Variants in IL16 observed in about 807,000 individuals in gnomAD.
IL16 encodes interleukin 16.
Under a neutral mutation model 110.1 loss-of-function variants are expected in IL16, and 67 were observed. The observed-to-expected ratio is 0.61, with a 90% CI of 0.50 to 0.75. The LOEUF (loss-of-function observed/expected upper bound fraction) is 0.75, where lower values mean the gene tolerates loss of function less well. Ranked by LOEUF, IL16 falls within the 30% of genes least tolerant of loss-of-function variation. The pLI, the probability that IL16 is intolerant of heterozygous loss-of-function variation, is 0.00. For missense variants in IL16, 1,545 were observed against 1,655.0 expected, an observed-to-expected ratio of 0.93 and a Z score of 1.15; for synonymous variants, 689 against 662.9, an observed-to-expected ratio of 1.04 and a Z score of -0.61.
chr15:81,226,801 G>A (rs189690593), intron 2 of IL16, among the ~76,000 whole-genome samples: 23 of 152,184 alleles, frequency 1.5e-4, no homozygotes, highest in East Asian at 7.7e-4. Flanking sequence ...GGGGAGGCTC[G>A]CCAGGCTCCC....
intron 6 of IL16, among the ~76,000 whole-genome samples, chr15:81,275,496 A>G (rs576540831): frequency 2.0e-5 from 3 of 150,618 alleles, no homozygotes; most frequent in Non-Finnish European, 4.4e-5. Flanking sequence ...CAGAATTGGG[A>G]GTGTGCCATC....
intron 2 of IL16, among the ~76,000 whole-genome samples, chr15:81,226,330 A>G (rs1409744801): frequency 6.6e-6 from 1 of 152,198 alleles, no homozygotes; most frequent in East Asian, 1.9e-4. Flanking sequence ...TCATATTTCA[A>G]TTTTTGTCAT....
chr15:81,187,714 TA>T (rs1895438578), intron 1 of IL16, among the ~76,000 whole-genome samples: 2 of 152,242 alleles, frequency 1.3e-5, no homozygotes, highest in Admixed American at 1.3e-4. Context: ...CCTGATTAAA[TA>T]AAGTATGGCA....
chr15:81,292,701 G>A lies in IL16; in HGVS notation c.1566G>A (p.Gly522=). 6 of 1,614,154 alleles carry A rather than the reference G, an allele frequency of 3.7e-6. No individual in the cohort carries two copies. Among genetic ancestry groups the A allele is most frequent in the Non-Finnish European group, 5.1e-6 (6 of 1,180,020 alleles). Residue 522 remains glycine, a synonymous_variant, in exon 12 of 19, where the codon GGG becomes GGA. Coordinates refer to ENST00000683961, the MANE Select transcript of IL16 (RefSeq NM_172217.5). ...GCAGCTACATGTCTGGGTCCCCAGG[G>A]GGAAGTCCTGGGAGTGGCAGTGCTG... The part of the protein sequence containing the change: ...SDSSYMSGSP[G]GSPGSGSAEK...
chr15:81,273,991 T>C (rs1237504851), intron 6 of IL16, among the ~76,000 whole-genome samples: 1 of 118,486 alleles, frequency 8.4e-6, no homozygotes, highest in East Asian at 2.6e-4. Context: ...CCCAAAGAAA[T>C]TGCCAGGTTT....
At chr15:81,274,810 C>T (rs1596020184) in intron 6 of IL16, among the ~76,000 whole-genome samples, 1 of 152,232 alleles carries the variant, frequency 6.6e-6, no homozygotes. Context: ...TTTATCAACC[C>T]GAGCACTATG....
At chr15:81,191,095 C>T (rs888061134) in intron 1 of IL16, among the ~76,000 whole-genome samples, 1 of 152,198 alleles carries the variant, frequency 6.6e-6, no homozygotes, top group Non-Finnish European at 1.5e-5. Flanking sequence ...GCAAGTGCTG[C>T]ACAAATGCTT....
chr15:81,267,619 T>C (rs1347664346), intron 4 of IL16, among the ~76,000 whole-genome samples: 1 of 152,086 alleles, frequency 6.6e-6, no homozygotes. Flanking sequence ...GGGAAGCCTA[T>C]GGTTTAGACC....
rs750738616 is a variant in IL16, at chr15:81,300,106, G to C, written c.2780G>C (p.Arg927Pro). 2 of 1,586,898 alleles carry C rather than the reference G, an allele frequency of 1.3e-6. No homozygotes were observed. Among genetic ancestry groups the C allele is most frequent in the Admixed American group, 3.5e-5 (2 of 56,644 alleles). ...PGVSESPPPG[R>P]QPNQKTLPPG... ...GTGTCTGAGTCCCCTCCCCCAGGGC[G>C]GCAGCCCAATCAGAAAACTCTCCCC... Residue 927 changes from arginine to proline, a missense_variant, in exon 14 of 19, where the codon CGG becomes CCG. This residue lies in a region of IL16 where 1,185 missense variants were observed against 1,238.8 expected (regional missense o/e 0.96). Transcript: ENST00000683961.
Position 81,248,719 on chromosome 15 carries a change from C to CTTT in IL16, c.313-11036_313-11034dup, listed in dbSNP as rs61480285. 2.4e-3 allele frequency among the ~76,000 whole-genome samples: 266 copies of CTTT among 112,216 alleles called. 6 individuals carry two copies. The highest frequency in any genetic ancestry group is 6.4e-3 in the African/African-American group (186 of 29,008). The allele number at this position is 112,216 out of a possible 152,430, so 73.6% of individuals were successfully genotyped here. A position where few individuals can be genotyped will look rare whatever the true frequency, so the allele number is the denominator to read the frequency against. On this transcript the variant is annotated intron_variant, in intron 2 of 18. Coordinates refer to ENST00000683961, the MANE Select transcript of IL16 (RefSeq NM_172217.5). ...TTTCTGTGATTTTTTTTCTTTCTTTCTTTTTTTTTTTTTTTTTTTGAGGCA... is the reference window on the plus strand; with the variant it reads ...TTTCTGTGATTTTTTTTCTTTCTTTCTTTTTTTTTTTTTTTTTTTTTTGAGGCA...
At chr15:81,264,421 T>TA (rs1293712974) in intron 3 of IL16, among the ~76,000 whole-genome samples, 9 of 152,184 alleles carry the variant, frequency 5.9e-5, no homozygotes, top group Non-Finnish European at 1.2e-4. Flanking sequence ...CCCTCAGAGA[T>TA]ACCACTCCTC....
Position 81,301,333 on chromosome 15 carries a change from C to A in IL16, c.3150-11C>A. 1 of 1,591,532 alleles carries A rather than the reference C, an allele frequency of 6.3e-7. No homozygotes were observed. Among genetic ancestry groups the A allele is most frequent in the Non-Finnish European group, 8.5e-7 (1 of 1,172,942 alleles). On this transcript the variant is annotated splice_polypyrimidine_tract_variant and intron_variant, in intron 14 of 18. Transcript: ENST00000683961. ...GTTGTTCATACTGTGTGTTGTTTCT[C>A]CTTATGAAAGCCTTTCAGAGCTGAG...
chr15:81,259,814 G>C lies in IL16; in HGVS notation c.355G>C (p.Glu119Gln). The change falls in exon 3 of 19, where the codon GAA becomes CAA. Residue 119 changes from glutamate to glutamine, a missense_variant. Physicochemically the swap from Glu to Gln is conservative, Grantham distance 29 (BLOSUM62 2). Coordinates refer to ENST00000683961, the MANE Select transcript of IL16 (RefSeq NM_172217.5). ...CTCTCGAGAAAAGCCTGGAAAACTA[G>C]AAGCACAAAGTAGTAACTTCCTGTT... ...ASSREKPGKL[E>Q]AQSSNFLFPK... is the part of the protein sequence containing the mutation. The C allele has an allele frequency of 6.2e-7, 1 of 1,614,010 alleles. No individual in the cohort carries two copies. Among genetic ancestry groups the C allele is most frequent in the Non-Finnish European group, 8.5e-7 (1 of 1,179,930 alleles).
intron 2 of IL16, among the ~76,000 whole-genome samples, chr15:81,238,684 A>C (rs898503237): frequency 6.6e-6 from 1 of 152,122 alleles, no homozygotes; most frequent in African/African-American, 2.4e-5. Flanking sequence ...AAGATGATCT[A>C]TTATGTTTAT....
intron 2 of IL16, among the ~76,000 whole-genome samples, chr15:81,249,040 T>C (rs546032420): frequency 1.3e-5 from 2 of 152,246 alleles, no homozygotes; most frequent in East Asian, 3.9e-4. Context: ...TCTGTGATTT[T>C]ATGGTGAACT....
chr15:81,302,849 G>A (rs1037249139), intron 15 of IL16, among the ~76,000 whole-genome samples: 5 of 152,146 alleles, frequency 3.3e-5, no homozygotes, highest in Admixed American at 6.5e-5. Flanking sequence ...ACTCGTTGGC[G>A]CTCTGCAGTT....
intron 1 of IL16, among the ~76,000 whole-genome samples, chr15:81,214,648 C>G (rs371081156): frequency 6.6e-6 from 1 of 151,822 alleles, no homozygotes; most frequent in Non-Finnish European, 1.5e-5. Context: ...CTCTATATTT[C>G]TCATATTTGC....
At chr15:81,198,913 A>AAGAGGCTG (rs975923023) in intron 1 of IL16, among the ~76,000 whole-genome samples, 1 of 150,066 alleles carries the variant, frequency 6.7e-6, no homozygotes, top group Non-Finnish European at 1.5e-5. Flanking sequence ...CCAGCTACTC[A>AAGAGGCTG]AGAGGCTGAG....
In IL16 at chr15:81,306,620, C is replaced by T. The variant is rs1451316182; in HGVS notation, c.3805+75C>T. 7 of 1,569,848 alleles carry T rather than the reference C, an allele frequency of 4.5e-6. No homozygotes were observed. The East Asian group carries it at 1.3e-4, about 30-fold the overall frequency. On this transcript the variant is annotated intron_variant, in intron 18 of 18. Coordinates refer to ENST00000683961, the MANE Select transcript of IL16 (RefSeq NM_172217.5). ...GCCAGGCCCCCAAAAGGCTTCTGGG[C>T]ACTTTCTGGGCTATGTTGTTTCCCA...
Sources: gnomAD v4.1 joint callset for allele counts (sites outside exome capture counted in the v4.1 genomes callset) on GRCh38, gnomAD v4.1.1 for gene constraint, gnomAD v4.1.1 regional missense constraint, MANE v1.5 for transcripts, NCBI Gene and HGNC (gene_info 2026-07-23, HGNC 2026-07-21) for gene names.